The following SPIN1 variants were observed in gnomAD, a reference collection of about 807,000 sequenced individuals.
SPIN1 encodes the protein spindlin-1.
SPIN1 carries 3 observed loss-of-function variants against 26.0 expected under a neutral mutation model. The observed-to-expected ratio is 0.12, with a 90% CI of 0.05 to 0.30. The LOEUF (loss-of-function observed/expected upper bound fraction) is 0.30, where lower values mean the gene tolerates loss of function less well. Ranked by LOEUF, SPIN1 falls within the 10% of genes least tolerant of loss-of-function variation. SPIN1 has a pLI of 1.00. For synonymous variants in SPIN1, 101 were observed against 116.5 expected (o/e 0.87, Z 0.86); for missense variants, 126 against 333.4 (o/e 0.38, Z 4.84).
At chr9:88,441,421 G>GCA (rs1335636314) in intron 2 of SPIN1, among the ~76,000 whole-genome samples, 1 of 149,462 alleles carries the variant, frequency 6.7e-6, no homozygotes, top group Non-Finnish European at 1.5e-5. Context: ...GTGTGCGCGC[G>GCA]CGCGCGCCCA....
At chr9:88,421,125 AACTT>A (rs1423338083) in intron 1 of SPIN1, among the ~76,000 whole-genome samples, 1 of 144,696 alleles carries the variant, frequency 6.9e-6, no homozygotes, top group South Asian at 2.2e-4. Context: ...ATTTGAAGTT[AACTT>A]ACAGAAATTG....
intron 1 of SPIN1, among the ~76,000 whole-genome samples, chr9:88,393,678 A>T (rs540007934): frequency 1.4e-3 from 210 of 151,894 alleles, no homozygotes; most frequent in African/African-American, 5.0e-3. Context: ...GATGGTCTCG[A>T]TCTCTTGACA....
chr9:88,410,779 C>G (rs1269130047), intron 1 of SPIN1: 8 of 1,087,406 alleles, frequency 7.4e-6, no homozygotes, highest in Non-Finnish European at 1.1e-5. Flanking sequence ...ATCCCCACTG[C>G]CACCAAAGCC....
At chr9:88,436,660 A>G (rs1828003629) in intron 2 of SPIN1, among the ~76,000 whole-genome samples, 1 of 151,930 alleles carries the variant, frequency 6.6e-6, no homozygotes, top group Non-Finnish European at 1.5e-5. Flanking sequence ...CTTTTCCAGA[A>G]TAACGTCATA....
At chr9:88,436,987 G>T (rs911905138) in intron 2 of SPIN1, among the ~76,000 whole-genome samples, 1 of 151,432 alleles carries the variant, frequency 6.6e-6, no homozygotes, top group East Asian at 2.0e-4. Flanking sequence ...GGATGGTCTC[G>T]ATCTCCTGAC....
At chr9:88,435,767 A>G (rs947917493) in intron 2 of SPIN1, among the ~76,000 whole-genome samples, 1 of 152,050 alleles carries the variant, frequency 6.6e-6, no homozygotes, top group African/African-American at 2.4e-5. Flanking sequence ...GTTTCTTGGA[A>G]ACAGCCTTTC....
chr9:88,416,392 C>A (rs60495032), intron 1 of SPIN1, among the ~76,000 whole-genome samples: 3,341 of 152,176 alleles, frequency 0.022, 125 homozygotes, highest in African/African-American at 0.076. Flanking sequence ...GTGACTTGAT[C>A]ATAGCTCTCT....
chr9:88,462,859 C>T (rs1828597931), intron 4 of SPIN1, 110 bp downstream of exon 4: 1 of 1,253,098 alleles, frequency 8.0e-7, no homozygotes. Context: ...ACACAAGCAC[C>T]CTTCTTGATA....
At chr9:88,465,884 G>A (rs779321735) in intron 4 of SPIN1, among the ~76,000 whole-genome samples, 3 of 152,160 alleles carry the variant, frequency 2.0e-5, no homozygotes, top group Non-Finnish European at 4.4e-5. Context: ...AACTGAAAGA[G>A]CAGATCATAA....
intron 2 of SPIN1, among the ~76,000 whole-genome samples, chr9:88,429,833 G>A (rs1205725777): frequency 6.6e-6 from 1 of 152,118 alleles, no homozygotes; most frequent in Non-Finnish European, 1.5e-5. Flanking sequence ...CTAGAGACCA[G>A]TCCCCATCCT....
Position 88,396,755 on chromosome 9 carries a change from A to G in SPIN1, c.-159+8217A>G, listed in dbSNP as rs374549504. On this transcript the variant is annotated intron_variant, in intron 1 of 5. Coordinates refer to ENST00000375859, the MANE Select transcript of SPIN1 (RefSeq NM_006717.3). Reference sequence around the variant, plus strand: ...TTCAGAGAACCTCGTTGTGTACCTCATAGAGTATACTTACACAAACCTATA... The same window carrying G: ...TTCAGAGAACCTCGTTGTGTACCTCGTAGAGTATACTTACACAAACCTATA... Among the ~76,000 whole-genome samples, 192 of 152,246 alleles carry G rather than the reference A, an allele frequency of 1.3e-3. 5 individuals are homozygous for G. In the South Asian group the frequency reaches 0.036, roughly 29 times the overall value.
intron 2 of SPIN1, among the ~76,000 whole-genome samples, chr9:88,434,950 G>T (rs1052444917): frequency 3.3e-5 from 5 of 151,820 alleles, no homozygotes; most frequent in African/African-American, 1.2e-4. Context: ...TACTTGGGAG[G>T]CTGAGGCGGG....
intron 1 of SPIN1, chr9:88,416,523 A>G (rs966110841): frequency 6.6e-6 from 1 of 152,154 alleles, no homozygotes; most frequent in Non-Finnish European, 1.5e-5. Context: ...TTAGTTACAA[A>G]CTTAACTGGT....
intron 3 of SPIN1, among the ~76,000 whole-genome samples, chr9:88,462,167 A>G (rs532059563): frequency 2.0e-5 from 3 of 152,340 alleles, no homozygotes; most frequent in South Asian, 2.1e-4. Context: ...TTTTGAGTTG[A>G]TTGAATTAAA....
intron 1 of SPIN1, among the ~76,000 whole-genome samples, chr9:88,420,204 C>T (rs921016289): frequency 4.6e-5 from 7 of 152,076 alleles, no homozygotes; most frequent in East Asian, 1.9e-4. Flanking sequence ...GGAGAAACCT[C>T]GTCTCTACTA....
chr9:88,389,156 C>G (rs1324331586), intron 1 of SPIN1, among the ~76,000 whole-genome samples: 1 of 152,164 alleles, frequency 6.6e-6, no homozygotes, highest in African/African-American at 2.4e-5. Flanking sequence ...GGAACGCCCA[C>G]CGGCCAGTCC....
chr9:88,410,556 A>G, intron 1 of SPIN1: 1 of 816,330 alleles, frequency 1.2e-6, no homozygotes, highest in Non-Finnish European at 2.1e-6. Flanking sequence ...TGCCATAGCT[A>G]CTGCTGCTAC....
At position 88,448,929 on chromosome 9, in the gene SPIN1, T is replaced by C. The variant is rs751094935; in HGVS notation, c.53-12T>C. The C allele has an allele frequency of 1.7e-5, 28 of 1,613,146 alleles. No homozygotes were observed. The highest frequency in any genetic ancestry group is 1.7e-4 in the Middle Eastern group (1 of 6,056). On this transcript the variant is annotated splice_polypyrimidine_tract_variant and intron_variant, in intron 2 of 5. Coordinates refer to ENST00000375859, the MANE Select transcript of SPIN1 (RefSeq NM_006717.3). ...CTGGTTTTCATTGACTATATACTCATCTCTCTTACAGGCCATGCTGGAGTA... is the reference window on the plus strand; with the variant it reads ...CTGGTTTTCATTGACTATATACTCACCTCTCTTACAGGCCATGCTGGAGTA...
chr9:88,428,198 T>C (rs1307941245), intron 2 of SPIN1, among the ~76,000 whole-genome samples: 1 of 152,316 alleles, frequency 6.6e-6, no homozygotes, highest in East Asian at 1.9e-4. Context: ...ATTTTTATTT[T>C]AGATTCAGAG....
Sources: gnomAD v4.1 joint callset for allele counts (sites outside exome capture counted in the v4.1 genomes callset) on GRCh38, gnomAD v4.1.1 for gene constraint, MANE v1.5 for transcripts, NCBI Gene and HGNC (gene_info 2026-07-23, HGNC 2026-07-21) for gene names.